Variants in SCN3A observed in about 807,000 individuals in gnomAD.
SCN3A encodes sodium voltage-gated channel alpha subunit 3.
Under a neutral mutation model 187.6 loss-of-function variants are expected in SCN3A, and 60 were observed. The ratio of observed to expected loss-of-function variants is 0.32; its 90% CI spans 0.26 to 0.40. SCN3A has a LOEUF of 0.40. Ranked by LOEUF, SCN3A falls within the 10% of genes least tolerant of loss-of-function variation. The pLI is 1.00. For missense variants in SCN3A, 1,601 were observed against 2,428.2 expected (o/e 0.66, Z 7.16); for synonymous variants, 788 against 829.2 (o/e 0.95, Z 0.85).
At chr2:165,167,737 T>C (rs1689861010) in intron 5 of SCN3A, among the ~76,000 whole-genome samples, 1 of 152,156 alleles carries the variant, frequency 6.6e-6, no homozygotes, top group Admixed American at 6.5e-5. Context: ...TTCCCCAGCA[T>C]ATTGATGTTT....
chr2:165,139,735 T>C (rs1045420316), intron 13 of SCN3A, 127 bp from the exon 14 acceptor site: 1 of 1,162,742 alleles, frequency 8.6e-7, no homozygotes, highest in Non-Finnish European at 1.3e-6. Context: ...GAATAAAATA[T>C]TGAATTATTG....
rs1686337883 is a variant in SCN3A, at chr2:165,115,678, T to C, written c.3394-103A>G. 12 of 1,017,058 alleles carry C rather than the reference T, an allele frequency of 1.2e-5. No individual in the cohort carries two copies. The South Asian group carries it at 1.6e-4, about 13-fold the overall frequency. 63.0% of individuals were successfully genotyped at this position (1,017,058 alleles called of 1,614,324 possible). On this transcript the variant is annotated intron_variant, in intron 18 of 27. Coordinates refer to ENST00000283254, the MANE Select transcript of SCN3A (RefSeq NM_006922.4). The stretch of plus-strand genomic sequence containing the variant: ...TGAAAAAAAAATAGTAGTGATAGCA[T>C]TTAACTCTATTAGCATTACTGATCA...
chr2:165,128,616 C>T (rs916068887), intron 17 of SCN3A, among the ~76,000 whole-genome samples: 7 of 152,198 alleles, frequency 4.6e-5, no homozygotes, highest in African/African-American at 1.7e-4. Context: ...CCAATGGCCA[C>T]AAACTTTTAT....
At position 165,092,227 on chromosome 2, in the gene SCN3A, A is replaced by T; in HGVS notation, c.4807+27T>A. 1 of 1,610,438 alleles carries T rather than the reference A, an allele frequency of 6.2e-7. No homozygotes were observed. Among genetic ancestry groups the T allele is most frequent in the Admixed American group, 1.7e-5 (1 of 59,974 alleles). ...GGGGCAACTGTTTCTCTGTAACTAT[A>T]CCTCTTGGTAATTAAGCTGTTCTTA... On this transcript the variant is annotated intron_variant, in intron 27 of 27. Coordinates refer to ENST00000283254, the MANE Select transcript of SCN3A (RefSeq NM_006922.4). This position sits in a 1 kb window ranked among gnomAD's most constrained non-coding sequence, Gnocchi z 4.2.
chr2:165,167,687 G>A (rs1689856394), intron 5 of SCN3A, among the ~76,000 whole-genome samples: 1 of 151,978 alleles, frequency 6.6e-6, no homozygotes, highest in Non-Finnish European at 1.5e-5. Context: ...ATGAAATAAT[G>A]TTGTTACGAT....
Position 165,115,982 on chromosome 2 carries a change from A to G in SCN3A, c.3394-407T>C, listed in dbSNP as rs553113485. 8.5e-4 allele frequency among the ~76,000 whole-genome samples: 129 copies of G among 152,256 alleles called. 1 individual carries two copies. The highest frequency in any genetic ancestry group is 3.0e-3 in the African/African-American group (126 of 41,556). ...TAAAATACATCAAATCAAATTTTTA[A>G]TTTCCACCTCTTCAGATGGAAATTT... On this transcript the variant is annotated intron_variant, in intron 18 of 27. Coordinates refer to ENST00000283254, the MANE Select transcript of SCN3A (RefSeq NM_006922.4).
In SCN3A at chr2:165,092,340, A is replaced by C. The variant is rs1288867779; in HGVS notation, c.4721T>G (p.Val1574Gly). Residue 1574 changes from valine (V) to glycine (G), a missense_variant, in exon 27 of 28, where the codon GTG becomes GGG. Transcript: ENST00000283254. This position sits in a 1 kb window ranked among gnomAD's most constrained non-coding sequence, Gnocchi z 4.2. ...VFIVLFTGEF[V>G]LKLVSLRHYY... ...GTGTCTGAGGGAGACGAGCTTCAGCACAAATTCTCCAGTGAACAGAACAAT... is the reference window on the plus strand; with the variant it reads ...GTGTCTGAGGGAGACGAGCTTCAGCCCAAATTCTCCAGTGAACAGAACAAT... 6.2e-7 allele frequency: 1 copy of C among 1,614,000 alleles called. No homozygotes were observed.
intron 21 of SCN3A, among the ~76,000 whole-genome samples, chr2:165,109,465 A>T (rs1574123366): frequency 6.6e-6 from 1 of 151,998 alleles, no homozygotes; most frequent in Non-Finnish European, 1.5e-5. Context: ...TCATCTACCT[A>T]CCCTGCCAAA....
At chr2:165,153,498 A>G (rs534169415) in intron 11 of SCN3A, among the ~76,000 whole-genome samples, 25 of 152,144 alleles carry the variant, frequency 1.6e-4, no homozygotes, top group Non-Finnish European at 3.2e-4. Context: ...TACATCCCAA[A>G]GAGTCAAAGA....
intron 18 of SCN3A, among the ~76,000 whole-genome samples, chr2:165,119,263 A>G (rs1331243792): frequency 6.6e-6 from 1 of 152,204 alleles, no homozygotes; most frequent in African/African-American, 2.4e-5. Context: ...CCTAGGTCAC[A>G]TATTTATCAT....
chr2:165,094,593 A>C, intron 25 of SCN3A, 115 bp from the exon 26 acceptor site: 1 of 716,296 alleles, frequency 1.4e-6, no homozygotes, highest in South Asian at 1.6e-5. Context: ...ATCCTCCTAC[A>C]TATACATTTA....
At chr2:165,106,042 G>A (rs1406434634) in intron 21 of SCN3A, among the ~76,000 whole-genome samples, 2 of 152,026 alleles carry the variant, frequency 1.3e-5, no homozygotes, top group South Asian at 2.1e-4. Flanking sequence ...AGCAAATACC[G>A]TGGTCATTGT....
At chr2:165,091,983 C>T (rs754636034) in intron 27 of SCN3A, 6 of 502,994 alleles carry the variant, frequency 1.2e-5, no homozygotes, top group Non-Finnish European at 1.8e-5. Context: ...TAGCCTGTGA[C>T]CTTGGTTTAA....
At chr2:165,161,137 C>CTTTTTTTTTTTTTTTTTTTT (rs61608647) in intron 9 of SCN3A, among the ~76,000 whole-genome samples, 29 of 93,368 alleles carry the variant, frequency 3.1e-4, no homozygotes, top group Admixed American at 4.6e-4. Context: ...TTCTTTCTTT[C>CTTTTTTTTTTTTTTTTTTTT]TTTTTTTTTT....
intron 1 of SCN3A, among the ~76,000 whole-genome samples, chr2:165,199,342 T>A (rs2105994348): frequency 6.6e-6 from 1 of 152,102 alleles, no homozygotes; most frequent in Middle Eastern, 3.4e-3. Flanking sequence ...CTAATTCAAT[T>A]CTTACAGAAA....
At chr2:165,159,903 G>T (rs1386870303) in intron 9 of SCN3A, among the ~76,000 whole-genome samples, 1 of 119,646 alleles carries the variant, frequency 8.4e-6, no homozygotes, top group South Asian at 2.7e-4. Flanking sequence ...AGGCCGAGGC[G>T]GGCGGATCAC....
chr2:165,140,513 C>G lies in SCN3A; in HGVS notation c.2019+138G>C, dbSNP rs111693451. On this transcript the variant is annotated intron_variant, in intron 13 of 27. Coordinates refer to ENST00000283254, the MANE Select transcript of SCN3A (RefSeq NM_006922.4). The surrounding 1 kb of genome is among the most constrained non-coding windows in gnomAD (Gnocchi z 4.2). ...TTGATTCTCAATATTCTATTGTTTT[C>G]CCTTTGATTAATCATGTATTATTTT... The G allele has an allele frequency of 4.1e-6, 3 of 739,842 alleles. No homozygotes were observed. Among genetic ancestry groups the G allele is most frequent in the Admixed American group, 2.1e-5 (1 of 48,490 alleles). 45.8% of individuals were successfully genotyped at this position (739,842 alleles called of 1,614,324 possible).
At chr2:165,156,057 A>C (rs187627833) in intron 9 of SCN3A, among the ~76,000 whole-genome samples, 154 bp from the exon 10 acceptor site, 127 of 152,308 alleles carry the variant, frequency 8.3e-4, no homozygotes, top group Non-Finnish European at 1.1e-3. Context: ...GCCCACCGTG[A>C]AACTTATCAG....
intron 17 of SCN3A, 57 bp downstream of exon 17, chr2:165,129,883 T>A: frequency 6.2e-7 from 1 of 1,607,934 alleles, no homozygotes. Flanking sequence ...TCTGGCCACG[T>A]TCCTAGCTAC....
Sources: allele counts gnomAD v4.1 joint callset (sites outside exome capture counted in the v4.1 genomes callset), GRCh38; gene constraint gnomAD v4.1.1; non-coding constraint Gnocchi (gnomAD v3.1); transcripts MANE v1.5; gene names NCBI Gene and HGNC (gene_info 2026-07-23, HGNC 2026-07-21).